Variants in TOX3 observed in about 807,000 individuals in gnomAD.
TOX3 encodes TOX high mobility group box family member 3.
TOX3 carries 22 observed loss-of-function variants against 64.3 expected under a neutral mutation model. The ratio of observed to expected loss-of-function variants is 0.34; its 90% CI spans 0.24 to 0.49. The LOEUF is 0.49. Among genes scored for constraint, TOX3 ranks in the 20% least tolerant of loss-of-function variants. The probability of loss-of-function intolerance (pLI) is 0.99; values close to 1 mark genes in which losing one functional copy is unlikely to be tolerated. For missense variants in TOX3, 661 were observed against 714.4 expected, an observed-to-expected ratio of 0.93 and a Z score of 0.85; for synonymous variants, 291 against 273.6, an observed-to-expected ratio of 1.06 and a Z score of -0.63.
intron 1 of TOX3, among the ~76,000 whole-genome samples, chr16:52,510,126 T>G (rs1962263357): frequency 6.8e-6 from 1 of 146,644 alleles, no homozygotes; most frequent in Admixed American, 6.9e-5. Context: ...GAAAGAACAA[T>G]GATATAAGCC....
At chr16:52,485,221 CATGTGTGTGTGTGT>C (rs1961489089) in intron 1 of TOX3, among the ~76,000 whole-genome samples, 1 of 123,628 alleles carries the variant, frequency 8.1e-6, no homozygotes, top group Non-Finnish European at 1.6e-5. Context: ...TGTGTATATA[CATGTGTGTGTGTGT>C]ATGTGTGTGT....
rs28756860 is a variant in TOX3, at chr16:52,493,352, G to A, written c.88-24778C>T. The stretch of plus-strand genomic sequence containing the variant: ...CTTCCTCTCAGAATCCAGCTCTTTG[G>A]GAAAGTGAGAGTGCAATTTTTAATC... On this transcript the variant is annotated intron_variant, in intron 1 of 6. Transcript: ENST00000219746. Among the ~76,000 whole-genome samples the A allele has an allele frequency of 2.2e-4, 34 of 152,072 alleles. 1 individual carries two copies. The highest frequency in any genetic ancestry group is 2.1e-3 in the Admixed American group (32 of 15,284).
rs1555484131 is a variant in TOX3 at position 52,485,246 on chromosome 16, G to GCATATATATATA, written c.88-16673_88-16672insTATATATATATG. Among the ~76,000 whole-genome samples, 15 of 127,868 alleles carry GCATATATATATA rather than the reference G, an allele frequency of 1.2e-4. 1 individual carries two copies. Among genetic ancestry groups the GCATATATATATA allele is most frequent in the African/African-American group, 5.0e-4 (15 of 29,790 alleles). 83.9% of individuals were successfully genotyped at this position (127,868 alleles called of 152,430 possible). A position where few individuals can be genotyped will look rare whatever the true frequency, so the allele number is the denominator to read the frequency against. On this transcript the variant is annotated intron_variant, in intron 1 of 6. Coordinates refer to ENST00000219746, the MANE Select transcript of TOX3 (RefSeq NM_001080430.4). ...CATGTGTGTGTGTGTATGTGTGTGT[G>GCATATATATATA]TATATATATATATATATATATATAT...
intron 1 of TOX3, among the ~76,000 whole-genome samples, chr16:52,545,987 GC>G (rs202014214): frequency 5.3e-5 from 8 of 152,100 alleles, no homozygotes; most frequent in African/African-American, 9.7e-5. Context: ...GCAAAACTTA[GC>G]CCCCCCAAAA....
chr16:52,444,473 G>T, intron 5 of TOX3, 117 bp from the exon 6 acceptor site: 78 of 618,668 alleles, frequency 1.3e-4, no homozygotes, highest in East Asian at 2.2e-4. Flanking sequence ...GGTCTCCTTG[G>T]CTTTGATTTT....
Position 52,444,277 on chromosome 16 carries a change from T to G in TOX3, c.986A>C (p.Lys329Thr). The change falls in exon 6 of 7, where the codon AAG becomes ACG. Residue 329 changes from lysine (K) to threonine (T), a missense_variant and splice_region_variant. This residue lies in a region of TOX3 where 103 missense variants were observed against 161.2 expected (regional missense o/e 0.64). Coordinates refer to ENST00000219746, the MANE Select transcript of TOX3 (RefSeq NM_001080430.4). ...CTGGCCGCCCCTGCCCAGGTTTACCTTAGAAACGAGGCTGGCCCTGTATGC... is the reference window on the plus strand; with the variant it reads ...CTGGCCGCCCCTGCCCAGGTTTACCGTAGAAACGAGGCTGGCCCTGTATGC... ...LAAYRASLVS[K>T]AAAESAEAQT... The G allele has an allele frequency of 4.4e-6, 7 of 1,573,114 alleles. No homozygotes were observed. Among genetic ancestry groups the G allele is most frequent in the Non-Finnish European group, 6.1e-6 (7 of 1,155,686 alleles).
intron 1 of TOX3, among the ~76,000 whole-genome samples, chr16:52,531,836 G>C (rs904467071): frequency 6.6e-6 from 1 of 152,120 alleles, no homozygotes; most frequent in African/African-American, 2.4e-5. Context: ...AGGGAGAGAG[G>C]CCTGGGCTAG....
Position 52,534,511 on chromosome 16 carries a change from C to G in TOX3, c.87+12126G>C, listed in dbSNP as rs116715376. Reference sequence around the variant, plus strand: ...AAATTAGCTGGGTATGGGGTGTGCACTTGCAGTCCTAGCTACTCAGGAAGC... The same window carrying G: ...AAATTAGCTGGGTATGGGGTGTGCAGTTGCAGTCCTAGCTACTCAGGAAGC... On this transcript the variant is annotated intron_variant, in intron 1 of 6. Transcript: ENST00000219746. Among the ~76,000 whole-genome samples, 992 of 152,136 alleles carry G rather than the reference C, an allele frequency of 6.5e-3. 14 individuals carry two copies. Among genetic ancestry groups the G allele is most frequent in the African/African-American group, 0.022 (900 of 41,516 alleles).
intron 1 of TOX3, among the ~76,000 whole-genome samples, chr16:52,535,994 G>A (rs1207646819): frequency 2.0e-5 from 3 of 152,216 alleles, no homozygotes; most frequent in Non-Finnish European, 4.4e-5. Context: ...CCCATACTAT[G>A]TCAACACATA....
At chr16:52,447,757 T>C (rs58444313) in intron 4 of TOX3, among the ~76,000 whole-genome samples, 1 of 152,218 alleles carries the variant, frequency 6.6e-6, no homozygotes, top group Admixed American at 6.5e-5. Flanking sequence ...GAGAGTCAGA[T>C]GCCTTTCAGT....
chr16:52,467,507 T>C (rs1324807910), intron 2 of TOX3, among the ~76,000 whole-genome samples: 4 of 152,206 alleles, frequency 2.6e-5, no homozygotes, highest in African/African-American at 9.7e-5. Context: ...TTTACCAAGA[T>C]CATTTATGAA....
intron 1 of TOX3, among the ~76,000 whole-genome samples, chr16:52,518,946 C>T (rs1962526071): frequency 6.6e-6 from 1 of 152,006 alleles, no homozygotes; most frequent in Non-Finnish European, 1.5e-5. Context: ...AAAATCTACA[C>T]TTGAGTGTAA....
chr16:52,480,390 T>C (rs1278649877), intron 1 of TOX3, among the ~76,000 whole-genome samples: 1 of 152,200 alleles, frequency 6.6e-6, no homozygotes, highest in Non-Finnish European at 1.5e-5. Flanking sequence ...TAGTTCTTGC[T>C]GCAATCCAAT....
intron 1 of TOX3, among the ~76,000 whole-genome samples, chr16:52,513,266 G>A (rs910175803): frequency 6.6e-6 from 1 of 152,128 alleles, no homozygotes; most frequent in African/African-American, 2.4e-5. Context: ...CCAAACAACA[G>A]GTAATACAAT....
rs186806856 is a variant in TOX3 at position 52,497,081 on chromosome 16, T to G, written c.88-28507A>C. Among the ~76,000 whole-genome samples, 293 of 152,298 alleles carry G rather than the reference T, an allele frequency of 1.9e-3. 2 individuals are homozygous for G. The highest frequency in any genetic ancestry group is 6.2e-3 in the African/African-American group (256 of 41,572). On this transcript the variant is annotated intron_variant, in intron 1 of 6. Coordinates refer to ENST00000219746, the MANE Select transcript of TOX3 (RefSeq NM_001080430.4). ...AACAGAAAACTGTAACATAAAACTTTTATTGCTACTTTGCTAAAAAAGCAC... is the reference window on the plus strand; with the variant it reads ...AACAGAAAACTGTAACATAAAACTTGTATTGCTACTTTGCTAAAAAAGCAC...
intron 1 of TOX3, among the ~76,000 whole-genome samples, chr16:52,482,319 A>C (rs1027388095): frequency 6.6e-6 from 1 of 152,236 alleles, no homozygotes. Flanking sequence ...AGATTACCTT[A>C]ACATTTCCTT....
chr16:52,458,466 T>C (rs1350481956), intron 3 of TOX3, among the ~76,000 whole-genome samples: 1 of 152,218 alleles, frequency 6.6e-6, no homozygotes, highest in East Asian at 1.9e-4. Context: ...ATCTAAGTGC[T>C]GTAAAAGGGT....
intron 1 of TOX3, among the ~76,000 whole-genome samples, chr16:52,484,024 T>C (rs1245636676): frequency 2.0e-5 from 3 of 152,132 alleles, no homozygotes; most frequent in East Asian, 3.9e-4. Flanking sequence ...CCTTGAGAAA[T>C]TGGAATGATG....
intron 3 of TOX3, among the ~76,000 whole-genome samples, chr16:52,456,742 G>A (rs1410590950): frequency 1.3e-5 from 2 of 152,148 alleles, no homozygotes; most frequent in Non-Finnish European, 2.9e-5. Flanking sequence ...TAACATAAAT[G>A]AAAAATTAAA....
Sources: allele counts gnomAD v4.1 joint callset (sites outside exome capture counted in the v4.1 genomes callset), GRCh38; gene constraint gnomAD v4.1.1; regional missense constraint gnomAD v4.1.1; transcripts MANE v1.5; gene names NCBI Gene and HGNC (gene_info 2026-07-23, HGNC 2026-07-21).